PC: variants seen among roughly 807,000 people sequenced by gnomAD.
PC encodes the protein pyruvate carboxylase, also known as pyruvate carboxylase, mitochondrial.
Under a neutral mutation model 107.8 loss-of-function variants are expected in PC, and 46 were observed. That is an observed-to-expected ratio of 0.43 (90% CI 0.34 to 0.55). The LOEUF (loss-of-function observed/expected upper bound fraction) is 0.55, where lower values mean the gene tolerates loss of function less well. PC is among the 20% of genes least tolerant of loss of function. The probability of loss-of-function intolerance (pLI) is 0.04; values close to 1 mark genes in which losing one functional copy is unlikely to be tolerated. For synonymous variants in PC, 662 were observed against 684.7 expected, an observed-to-expected ratio of 0.97 and a Z score of 0.52; for missense variants, 1,241 against 1,643.1, an observed-to-expected ratio of 0.76 and a Z score of 4.23.
At chr11:66,910,461 A>C (rs1348231386) in intron 3 of PC, among the ~76,000 whole-genome samples, 1 of 152,208 alleles carries the variant, frequency 6.6e-6, no homozygotes, top group Non-Finnish European at 1.5e-5. Flanking sequence ...CAAGACAAGC[A>C]AGTAGAGTTT....
At chr11:66,850,641 A>G (rs748631205) in intron 18 of PC, 33 bp downstream of exon 18, 1 of 1,604,002 alleles carries the variant, frequency 6.2e-7, no homozygotes, top group Non-Finnish European at 8.5e-7. Flanking sequence ...CGGCTTTGAG[A>G]GGGGTGTGGC....
chr11:66,855,009 G>A lies in PC; in HGVS notation c.1369-1626C>T, dbSNP rs140278948. Among the ~76,000 whole-genome samples the A allele has an allele frequency of 1.4e-4, 22 of 152,368 alleles. No homozygotes were observed. In the East Asian group the frequency reaches 2.9e-3, roughly 20 times the overall value. On this transcript the variant is annotated intron_variant, in intron 12 of 22. Coordinates refer to ENST00000393960, the MANE Select transcript of PC (RefSeq NM_001040716.2). ...GCCTTCGCCCTGTCCTCACACCCTC[G>A]GCAGAGCTGATGCTCACCTTTCCAG...
In PC at chr11:66,857,572, C is replaced by T. The variant is rs1219126207; in HGVS notation, c.1369-4189G>A. The T allele has an allele frequency of 7.5e-6, 5 of 666,262 alleles. No individual in the cohort carries two copies. The highest frequency in any genetic ancestry group is 6.0e-5 in the Admixed American group (2 of 33,554). 41.3% of individuals were successfully genotyped at this position (666,262 alleles called of 1,614,324 possible). ...GACCTTTGCTCTGGGGGGCCTGGCC[C>T]TGCAGGCCCCAACCTTCCCTCATCT... On this transcript the variant is annotated intron_variant, in intron 12 of 22. Transcript: ENST00000393960. This position sits in a 1 kb window ranked among gnomAD's most constrained non-coding sequence, Gnocchi z 7.1.
chr11:66,852,302 T>G lies in PC; in HGVS notation c.1825+137A>C. On this transcript the variant is annotated intron_variant, in intron 15 of 22. Transcript: ENST00000393960. The surrounding 1 kb of genome is among the most constrained non-coding windows in gnomAD (Gnocchi z 4.7). ...CACCAGGCCTGGCCGGAGAGGGCGC[T>G]GTGCCTTCTTCGGTCCTTCCTCTTT... 1.2e-6 allele frequency: 1 copy of G among 803,076 alleles called. No homozygotes were observed. The highest frequency in any genetic ancestry group is 2.6e-5 in the East Asian group (1 of 38,052). 49.7% of individuals were successfully genotyped at this position (803,076 alleles called of 1,614,324 possible).
At chr11:66,879,576 C>T (rs1355956569) in intron 3 of PC, among the ~76,000 whole-genome samples, 3 of 152,230 alleles carry the variant, frequency 2.0e-5, no homozygotes, top group Admixed American at 6.5e-5. Context: ...TTCCCCAACA[C>T]AAGGCTGCTG....
chr11:66,887,071 C>T (rs1044055173), intron 3 of PC, among the ~76,000 whole-genome samples: 1 of 152,214 alleles, frequency 6.6e-6, no homozygotes, highest in Admixed American at 6.5e-5. Flanking sequence ...CTCGGCTCCA[C>T]AGAGTGCTTA....
chr11:66,954,536 G>C (rs1311652927), intron 1 of PC, 100 bp from the exon 2 acceptor site: 2 of 152,326 alleles, frequency 1.3e-5, no homozygotes, highest in Admixed American at 6.5e-5. Context: ...CTCTGGGTGA[G>C]AAACCTGCCC....
At chr11:66,859,212 A>C in intron 12 of PC, 13 of 1,252,208 alleles carry the variant, frequency 1.0e-5, no homozygotes, top group African/African-American at 1.5e-5. Flanking sequence ...CTCCCCGACC[A>C]TGGCTGCTGG....
At chr11:66,937,549 C>T (rs1430198459) in intron 3 of PC, among the ~76,000 whole-genome samples, 1 of 152,096 alleles carries the variant, frequency 6.6e-6, no homozygotes, top group Non-Finnish European at 1.5e-5. Context: ...TTTCTCTCCT[C>T]TCCTTCTGGG....
intron 3 of PC, among the ~76,000 whole-genome samples, chr11:66,890,337 C>T (rs79594386): frequency 6.6e-6 from 1 of 151,582 alleles, no homozygotes; most frequent in Non-Finnish European, 1.5e-5. Flanking sequence ...TTTAATGAAC[C>T]TATGGTATTG....
At chr11:66,897,745 A>T (rs565669017) in intron 3 of PC, among the ~76,000 whole-genome samples, 5 of 152,274 alleles carry the variant, frequency 3.3e-5, no homozygotes, top group African/African-American at 1.2e-4. Context: ...CTGGTTAGCG[A>T]GTACAGGTCA....
intron 1 of PC, among the ~76,000 whole-genome samples, chr11:66,954,852 A>C (rs1327830676): frequency 2.6e-5 from 4 of 152,086 alleles, no homozygotes; most frequent in Non-Finnish European, 5.9e-5. Flanking sequence ...CTGAGGCAGG[A>C]GAATCACTTG....
rs1447738011 is a variant in PC at position 66,858,199 on chromosome 11, T to A, written c.1369-4816A>T. 1 of 1,612,330 alleles carries A rather than the reference T, an allele frequency of 6.2e-7. No homozygotes were observed. The highest frequency in any genetic ancestry group is 8.5e-7 in the Non-Finnish European group (1 of 1,179,752). On this transcript the variant is annotated intron_variant, in intron 12 of 22. Coordinates refer to ENST00000393960, the MANE Select transcript of PC (RefSeq NM_001040716.2). This position sits in a 1 kb window ranked among gnomAD's most constrained non-coding sequence, Gnocchi z 5.9. ...CTAGAGAGCCTGGAGGACCTGGACC[T>A]GTCCTACAACAACCTCCGGCAGGTG...
At chr11:66,943,042 T>A (rs974704750) in intron 3 of PC, among the ~76,000 whole-genome samples, 1 of 151,556 alleles carries the variant, frequency 6.6e-6, no homozygotes, top group South Asian at 2.1e-4. Context: ...AAGTTTAATA[T>A]CAGGTGTACA....
chr11:66,850,564 C>T (rs559999049), intron 18 of PC, 100 bp from the exon 19 acceptor site: 223 of 1,604,462 alleles, frequency 1.4e-4, no homozygotes, highest in Non-Finnish European at 1.8e-4. Context: ...TGACAGAAGG[C>T]GGCAAGGCCA....
At chr11:66,886,447 A>G (rs947200701) in intron 3 of PC, among the ~76,000 whole-genome samples, 6 of 151,768 alleles carry the variant, frequency 4.0e-5, no homozygotes, top group African/African-American at 1.5e-4. Context: ...CAGATTTGCA[A>G]CTGAGAGCTC....
intron 1 of PC, among the ~76,000 whole-genome samples, chr11:66,955,339 C>G (rs1565310725): frequency 6.6e-6 from 1 of 152,140 alleles, no homozygotes; most frequent in East Asian, 1.9e-4. Flanking sequence ...ATCACAGTGC[C>G]TGGGGCACTG....
At chr11:66,863,558 G>A (rs1946366028) in intron 12 of PC, among the ~76,000 whole-genome samples, 1 of 152,220 alleles carries the variant, frequency 6.6e-6, no homozygotes, top group Non-Finnish European at 1.5e-5. Context: ...GCCACTGCCA[G>A]GGACTCTGGC....
intron 3 of PC, among the ~76,000 whole-genome samples, chr11:66,938,684 T>C (rs1949054988): frequency 6.6e-6 from 1 of 152,116 alleles, no homozygotes; most frequent in Non-Finnish European, 1.5e-5. Context: ...TAACAAAAAA[T>C]GAGATATTAT....
Sources: gnomAD v4.1 joint callset for allele counts (sites outside exome capture counted in the v4.1 genomes callset) on GRCh38, gnomAD v4.1.1 for gene constraint, Gnocchi (gnomAD v3.1) non-coding constraint, MANE v1.5 for transcripts, NCBI Gene and HGNC (gene_info 2026-07-23, HGNC 2026-07-21) for gene names.